The following LYST variants were observed in gnomAD, a reference collection of about 807,000 sequenced individuals.
LYST encodes lysosomal trafficking regulator, also known as lysosomal-trafficking regulator.
Under a neutral mutation model 413.6 loss-of-function variants are expected in LYST, and 192 were observed. The observed-to-expected ratio is 0.46, with a 90% confidence interval of 0.41 to 0.52. LYST has a LOEUF of 0.52. Ranked by LOEUF, LYST falls within the 20% of genes least tolerant of loss-of-function variation. The probability of loss-of-function intolerance (pLI) is 0.00; values close to 1 mark genes in which losing one functional copy is unlikely to be tolerated. For missense variants in LYST, 3,815 were observed against 4,499.9 expected (o/e 0.85, Z 4.35); for synonymous variants, 1,525 against 1,567.3 (o/e 0.97, Z 0.64).
rs541697250 is a variant in LYST, at chr1:235,677,337, T to C, written c.10940+143A>G. 27 of 1,071,456 alleles carry C rather than the reference T, an allele frequency of 2.5e-5. No homozygotes were observed. The South Asian group carries it at 3.2e-4, about 13-fold the overall frequency. The allele number at this position is 1,071,456 out of a possible 1,614,324, so 66.4% of individuals were successfully genotyped here. The stretch of plus-strand genomic sequence containing the variant: ...ATTGTATGACTTCAATAAAATATAA[T>C]AGGTAATCTTACTACCTTTAAGCAT... On this transcript the variant is annotated intron_variant, in intron 49 of 52. Coordinates refer to ENST00000389793, the MANE Select transcript of LYST (RefSeq NM_000081.4).
intron 6 of LYST, among the ~76,000 whole-genome samples, chr1:235,805,008 G>C (rs1237766474): frequency 6.6e-6 from 1 of 152,174 alleles, no homozygotes; most frequent in African/African-American, 2.4e-5. Flanking sequence ...ATTCAGTGTG[G>C]AAGCATCAGG....
At chr1:235,669,103 T>A (rs1658721847) in intron 50 of LYST, among the ~76,000 whole-genome samples, 1 of 152,214 alleles carries the variant, frequency 6.6e-6, no homozygotes, top group Non-Finnish European at 1.5e-5. Flanking sequence ...CCCTGGTTCC[T>A]GGGACAGAGT....
intron 42 of LYST, among the ~76,000 whole-genome samples, chr1:235,714,713 TAGA>T (rs1662686546): frequency 2.6e-5 from 4 of 152,204 alleles, no homozygotes; most frequent in African/African-American, 9.7e-5. Context: ...AATGCTGATG[TAGA>T]AGATTATTAA....
Position 235,746,325 on chromosome 1 carries a change from T to C in LYST, c.7972+11A>G, listed in dbSNP as rs751495524. 6 of 1,610,262 alleles carry C rather than the reference T, an allele frequency of 3.7e-6. No individual in the cohort carries two copies. The Admixed American group carries it at 1.0e-4, about 27-fold the overall frequency. On this transcript the variant is annotated intron_variant, in intron 29 of 52. Coordinates refer to ENST00000389793, the MANE Select transcript of LYST (RefSeq NM_000081.4). ...AATCTGAGGAAAAACAAACTAATCCTATAGTCTTACCTTGATAAATAATCC... is the reference window on the plus strand; with the variant it reads ...AATCTGAGGAAAAACAAACTAATCCCATAGTCTTACCTTGATAAATAATCC...
At position 235,662,343 on chromosome 1, in the gene LYST, G is replaced by A. The variant is rs1400168809; in HGVS notation, c.*597C>T. On this transcript the variant is annotated 3_prime_UTR_variant, in exon 53 of 53. Coordinates refer to ENST00000389793, the MANE Select transcript of LYST (RefSeq NM_000081.4). ...GCTAAGAAAGCAACTGGCAAAAACT[G>A]CCTAATTTTGAGATTCATTCATAGT... The A allele has an allele frequency of 2.0e-5, 3 of 152,682 alleles. No individual in the cohort carries two copies. Among genetic ancestry groups the A allele is most frequent in the Non-Finnish European group, 4.4e-5 (3 of 68,460 alleles). 9.5% of individuals were successfully genotyped at this position (152,682 alleles called of 1,614,324 possible).
chr1:235,759,377 C>T lies in LYST; in HGVS notation c.6476G>A (p.Gly2159Asp), dbSNP rs564946092. 34 of 1,614,054 alleles carry T rather than the reference C, an allele frequency of 2.1e-5. No homozygotes were observed. Among genetic ancestry groups the T allele is most frequent in the South Asian group, 1.6e-4 (15 of 91,092 alleles). The change falls in exon 23 of 53, where the codon GGC (glycine) becomes GAC (aspartate). Residue 2159 changes from glycine to aspartate, a missense_variant. By Grantham distance (94) the Gly-to-Asp change is moderately conservative. This residue lies in a region of LYST where 771 missense variants were observed against 837.1 expected (regional missense o/e 0.92). Coordinates refer to ENST00000389793, the MANE Select transcript of LYST (RefSeq NM_000081.4). Reference protein sequence around the residue: ...SLGSSDTLKKGKEDAFISSCE... With the variant: ...SLGSSDTLKKDKEDAFISSCE... The stretch of plus-strand genomic sequence containing the variant: ...GCTACTGATGAATGCGTCCTCTTTG[C>T]CTTTTTTCAGTGTGTCGGAACTCCC...
chr1:235,685,699 A>G (rs1660159016), intron 48 of LYST, among the ~76,000 whole-genome samples: 1 of 151,756 alleles, frequency 6.6e-6, no homozygotes, highest in African/African-American at 2.4e-5. Context: ...TACAAAAATT[A>G]GCCGGGTGTG....
intron 1 of LYST, chr1:235,852,910 T>G (rs1678712283): frequency 5.9e-6 from 1 of 169,732 alleles, no homozygotes; most frequent in Non-Finnish European, 1.5e-5. Flanking sequence ...TAATACTGCA[T>G]ACAATTTTTG....
chr1:235,844,483 A>G (rs1406165438), intron 1 of LYST, among the ~76,000 whole-genome samples: 1 of 152,198 alleles, frequency 6.6e-6, no homozygotes, highest in Non-Finnish European at 1.5e-5. Flanking sequence ...TCTTGGAGTT[A>G]CATATGTTTT....
rs763524528 is a variant in LYST, at chr1:235,762,826, C to T, written c.6147G>A (p.Val2049=). The part of the protein sequence containing the change: ...HIDGKIFQEK[V]RSIMYLRHSS... The stretch of plus-strand genomic sequence containing the variant: ...AATGCCTCAGGTACATGATTGACCG[C>T]ACTTTCTCCTGAAAGATCTTGCCAT... The change falls in exon 22 of 53, where the codon GTG becomes GTA. Residue 2049 remains valine (V), a synonymous_variant. Coordinates refer to ENST00000389793, the MANE Select transcript of LYST (RefSeq NM_000081.4). The T allele has an allele frequency of 6.2e-7, 1 of 1,613,514 alleles. No individual in the cohort carries two copies. The highest frequency in any genetic ancestry group is 8.5e-7 in the Non-Finnish European group (1 of 1,179,598).
intron 50 of LYST, among the ~76,000 whole-genome samples, chr1:235,666,740 A>G (rs560063605): frequency 2.0e-5 from 3 of 152,164 alleles, no homozygotes; most frequent in Non-Finnish European, 2.9e-5. Flanking sequence ...AGAATTATAG[A>G]CAATATTTTC....
chr1:235,733,368 C>A, intron 34 of LYST, 135 bp downstream of exon 34: 1 of 760,448 alleles, frequency 1.3e-6, no homozygotes, highest in Non-Finnish European at 2.2e-6. Context: ...ATGAAAAAAA[C>A]ATCACAAATG....
At chr1:235,677,249 T>G in intron 49 of LYST, 61 bp from the exon 50 acceptor site, 2 of 1,326,532 alleles carry the variant, frequency 1.5e-6, no homozygotes, top group Non-Finnish European at 2.2e-6. Context: ...TTCTCTTATT[T>G]TGTAATTCTT....
intron 40 of LYST, among the ~76,000 whole-genome samples, chr1:235,718,907 C>T (rs1428103730): frequency 1.3e-5 from 2 of 152,128 alleles, no homozygotes; most frequent in African/African-American, 2.4e-5. Flanking sequence ...TATGACCTTA[C>T]GTTTCTTTTT....
chr1:235,834,548 C>CT (rs1254492155), intron 1 of LYST, among the ~76,000 whole-genome samples: 1 of 151,994 alleles, frequency 6.6e-6, no homozygotes, highest in Non-Finnish European at 1.5e-5. Context: ...CAGGAGTGAT[C>CT]TTTAATTACT....
chr1:235,706,333 C>T (rs183144325), intron 44 of LYST, among the ~76,000 whole-genome samples: 2 of 152,266 alleles, frequency 1.3e-5, no homozygotes, highest in Non-Finnish European at 2.9e-5. Context: ...AGTAAAGAAG[C>T]ACCCTCATTT....
intron 1 of LYST, among the ~76,000 whole-genome samples, chr1:235,855,457 T>A (rs1457513549): frequency 6.6e-6 from 1 of 152,140 alleles, no homozygotes; most frequent in East Asian, 1.9e-4. Context: ...ACATTTTTCA[T>A]ATTAAAACCA....
intron 45 of LYST, among the ~76,000 whole-genome samples, chr1:235,700,884 G>A (rs1043427218): frequency 1.3e-5 from 2 of 152,164 alleles, no homozygotes; most frequent in African/African-American, 2.4e-5. Flanking sequence ...TTCTATTTGG[G>A]ATGGGAGTAT....
rs566862751 is a variant in LYST, at chr1:235,734,508, G to A, written c.8510C>T (p.Ala2837Val). The change falls in exon 32 of 53, where the codon GCA (alanine) becomes GTA (valine). Residue 2837 changes from alanine to valine, a missense_variant. By Grantham distance (64) the Ala-to-Val change is moderately conservative (BLOSUM62 0). Transcript: ENST00000389793. ...KCIPPSASTK[A>V]DLIKMIKEEQ... Reference sequence around the variant, plus strand: ...CTCTTTGATCATTTTAATAAGGTCTGCTTTTGTTGATGCACTGGGAGGGAT... The same window carrying A: ...CTCTTTGATCATTTTAATAAGGTCTACTTTTGTTGATGCACTGGGAGGGAT... 17 of 1,613,552 alleles carry A rather than the reference G, an allele frequency of 1.1e-5. No homozygotes were observed. In the Middle Eastern group the frequency reaches 5.0e-4, roughly 47 times the overall value.
Sources: allele counts gnomAD v4.1 joint callset (sites outside exome capture counted in the v4.1 genomes callset), GRCh38; gene constraint gnomAD v4.1.1; regional missense constraint gnomAD v4.1.1; transcripts MANE v1.5; gene names NCBI Gene and HGNC (gene_info 2026-07-23, HGNC 2026-07-21).